The following TFCP2 variants were observed in gnomAD, a reference collection of about 807,000 sequenced individuals.
TFCP2 encodes alpha-globin transcription factor CP2.
TFCP2 carries 33 observed loss-of-function variants against 73.4 expected under a neutral mutation model. The ratio of observed to expected loss-of-function variants is 0.45; its 90% CI spans 0.34 to 0.60. The LOEUF (loss-of-function observed/expected upper bound fraction) is 0.60, where lower values mean the gene tolerates loss of function less well. Ranked by LOEUF, TFCP2 falls within the 20% of genes least tolerant of loss-of-function variation. TFCP2 has a pLI of 0.01. For synonymous variants in TFCP2, 193 were observed against 211.6 expected (o/e 0.91, Z 0.76); for missense variants, 352 against 604.0 (o/e 0.58, Z 4.37).
At chr12:51,131,067 C>G (rs113453741) in intron 1 of TFCP2, among the ~76,000 whole-genome samples, 1 of 151,672 alleles carries the variant, frequency 6.6e-6, no homozygotes, top group East Asian at 1.9e-4. Context: ...CGGTGGCTCA[C>G]GCCTGTAATC....
intron 3 of TFCP2, among the ~76,000 whole-genome samples, chr12:51,116,998 A>G (rs1190183506): frequency 6.6e-6 from 1 of 152,226 alleles, no homozygotes; most frequent in African/African-American, 2.4e-5. Flanking sequence ...GTAACTAGGA[A>G]TAAAGTACTC....
At chr12:51,126,003 G>C (rs1205124178) in intron 1 of TFCP2, among the ~76,000 whole-genome samples, 1 of 152,086 alleles carries the variant, frequency 6.6e-6, no homozygotes, top group East Asian at 1.9e-4. Context: ...GGCTGAGGCA[G>C]GTGGATCACG....
In TFCP2 at chr12:51,118,609, G is replaced by A; in HGVS notation, c.274+12C>T. 1.2e-6 allele frequency: 2 copies of A among 1,612,274 alleles called. No homozygotes were observed. Among genetic ancestry groups the A allele is most frequent in the Non-Finnish European group, 1.7e-6 (2 of 1,179,014 alleles). On this transcript the variant is annotated intron_variant, in intron 2 of 14. Transcript: ENST00000257915. ...GTCTGCAATAGTACTAATGAATGAG[G>A]AAGCATCTAACCTTGATTGAGATAC...
chr12:51,145,356 TG>T (rs1271806334), intron 1 of TFCP2, among the ~76,000 whole-genome samples: 3 of 147,360 alleles, frequency 2.0e-5, no homozygotes, highest in Non-Finnish European at 4.5e-5. Context: ...GACTCCAGCC[TG>T]GGGGACAGAG....
chr12:51,109,878 C>A (rs1373076509), intron 5 of TFCP2, among the ~76,000 whole-genome samples: 1 of 152,080 alleles, frequency 6.6e-6, no homozygotes, highest in East Asian at 1.9e-4. Flanking sequence ...ACCACCACGC[C>A]CTGCTAATTT....
At chr12:51,135,639 C>T (rs548440645) in intron 1 of TFCP2, among the ~76,000 whole-genome samples, 1 of 152,128 alleles carries the variant, frequency 6.6e-6, no homozygotes, top group Admixed American at 6.6e-5. Context: ...AGGCCATATC[C>T]CATGTCAACT....
intron 12 of TFCP2, among the ~76,000 whole-genome samples, chr12:51,099,225 C>A (rs536162923): frequency 6.6e-6 from 1 of 152,126 alleles, no homozygotes; most frequent in Non-Finnish European, 1.5e-5. Flanking sequence ...GTGGTTTACA[C>A]CTATAGTCCC....
In TFCP2 at chr12:51,096,005, A is replaced by C; in HGVS notation, c.1455T>G (p.Ile485Met). 6.2e-7 allele frequency: 1 copy of C among 1,613,376 alleles called. No individual in the cohort carries two copies. The highest frequency in any genetic ancestry group is 8.5e-7 in the Non-Finnish European group (1 of 1,179,768). Residue 485 changes from isoleucine to methionine, a missense_variant, in exon 14 of 15, where the codon ATT becomes ATG. Ile to Met is a conservative substitution (Grantham distance 10). Transcript: ENST00000257915. ...IQNFQEEACF[I>M]LDTMKAETND... is the part of the protein sequence containing the mutation. ...TACTATTACCTTTCATTGTGTCCAG[A>C]ATAAAACATGCTTCTTCCTGAAAGT...
In TFCP2 at chr12:51,172,877, CT is replaced by C. The variant is rs1731387223; in HGVS notation, c.-456del. ...GGCCCCCTCCCTCCCAGGTCTCGCT[CT>C]CTCTTTCCCCTCCAGGCCTCGCTTC... On this transcript the variant is annotated 5_prime_UTR_variant, in exon 1 of 15. Coordinates refer to ENST00000257915, the MANE Select transcript of TFCP2 (RefSeq NM_005653.5). 5.8e-6 allele frequency: 1 copy of C among 173,238 alleles called. No homozygotes were observed. Among genetic ancestry groups the C allele is most frequent in the South Asian group, 1.1e-4 (1 of 8,922 alleles). 10.7% of individuals were successfully genotyped at this position (173,238 alleles called of 1,614,324 possible).
chr12:51,145,279 G>C (rs1389590078), intron 1 of TFCP2, among the ~76,000 whole-genome samples: 2 of 151,420 alleles, frequency 1.3e-5, no homozygotes, highest in Admixed American at 1.3e-4. Flanking sequence ...CTACCTGGGA[G>C]GCTGAAGCAG....
At position 51,110,920 on chromosome 12, in the gene TFCP2, T is replaced by G. The variant is rs1159393499; in HGVS notation, c.521A>C (p.Glu174Ala). 1 of 1,614,108 alleles carries G rather than the reference T, an allele frequency of 6.2e-7. No homozygotes were observed. The highest frequency in any genetic ancestry group is 8.5e-7 in the Non-Finnish European group (1 of 1,179,964). The change falls in exon 5 of 15, where the codon GAG becomes GCG. Residue 174 changes from glutamate (E) to alanine (A), a missense_variant. Physicochemically the swap from Glu to Ala is moderately radical, Grantham distance 107. This residue lies in a region of TFCP2 where 31 missense variants were observed against 43.7 expected (regional missense o/e 0.71). Transcript: ENST00000257915. ...CCTCTTTGCAGGGTCCCACAGGAAC[T>G]CCACTGTATTTAGTTGAGTTGGATT... Reference protein sequence around the residue: ...RANPTQLNTVEFLWDPAKRTS... With the variant: ...RANPTQLNTVAFLWDPAKRTS...
At chr12:51,130,615 A>T (rs1388330267) in intron 1 of TFCP2, among the ~76,000 whole-genome samples, 1 of 152,246 alleles carries the variant, frequency 6.6e-6, no homozygotes, top group Non-Finnish European at 1.5e-5. Context: ...TCCATCTGCT[A>T]TAGAAGGCAG....
At chr12:51,133,130 T>G (rs1940985642) in intron 1 of TFCP2, among the ~76,000 whole-genome samples, 2 of 151,536 alleles carry the variant, frequency 1.3e-5, no homozygotes, top group South Asian at 4.2e-4. Flanking sequence ...ATTAGAACAG[T>G]TCTACTAAAA....
chr12:51,160,133 A>AT (rs372316760), intron 1 of TFCP2, among the ~76,000 whole-genome samples: 69,518 of 126,172 alleles, frequency 0.55, 20,484 homozygotes, highest in Non-Finnish European at 0.65. Context: ...TCCTCTCTGA[A>AT]TTTTTTTTTT....
chr12:51,139,007 A>G (rs1263503313), intron 1 of TFCP2, among the ~76,000 whole-genome samples: 1 of 152,212 alleles, frequency 6.6e-6, no homozygotes, highest in Non-Finnish European at 1.5e-5. Flanking sequence ...AGATGTAACC[A>G]GTTAGACCTG....
chr12:51,110,218 A>T (rs1940363830), intron 5 of TFCP2, among the ~76,000 whole-genome samples: 1 of 152,188 alleles, frequency 6.6e-6, no homozygotes, highest in South Asian at 2.1e-4. Flanking sequence ...CAGATACGCA[A>T]ATCAAATTTT....
intron 6 of TFCP2, 36 bp downstream of exon 6, chr12:51,109,085 A>G (rs758374512): frequency 6.2e-7 from 1 of 1,602,726 alleles, no homozygotes; most frequent in Non-Finnish European, 8.5e-7. Context: ...TGATAAGGTA[A>G]AAGAATCCAA....
At chr12:51,116,775 G>T (rs1344347390) in intron 3 of TFCP2, among the ~76,000 whole-genome samples, 2 of 151,944 alleles carry the variant, frequency 1.3e-5, no homozygotes, top group Non-Finnish European at 2.9e-5. Flanking sequence ...GTGCTACCAC[G>T]CCTGACTAAT....
chr12:51,165,103 C>T (rs1192977101), intron 1 of TFCP2, among the ~76,000 whole-genome samples: 1 of 152,028 alleles, frequency 6.6e-6, no homozygotes, highest in Non-Finnish European at 1.5e-5. Context: ...ACCTGTAATC[C>T]TAGCACTTTG....
Sources: allele counts gnomAD v4.1 joint callset (sites outside exome capture counted in the v4.1 genomes callset), GRCh38; gene constraint gnomAD v4.1.1; regional missense constraint gnomAD v4.1.1; transcripts MANE v1.5; gene names NCBI Gene and HGNC (gene_info 2026-07-23, HGNC 2026-07-21).